The following ELF1 variants were observed in gnomAD, a reference collection of about 807,000 sequenced individuals.
ELF1 encodes E74 like ETS transcription factor 1, also known as ETS-related transcription factor Elf-1.
A neutral mutation model predicts 59.9 loss-of-function variants in ELF1; 24 were observed. The observed-to-expected ratio is 0.40, with a 90% CI of 0.29 to 0.56. The LOEUF (loss-of-function observed/expected upper bound fraction) is 0.56. ELF1 is among the 20% of genes least tolerant of loss of function. The probability of loss-of-function intolerance (pLI) is 0.44; values close to 1 mark genes in which losing one functional copy is unlikely to be tolerated. For synonymous variants in ELF1, 248 were observed against 266.2 expected, an observed-to-expected ratio of 0.93 and a Z score of 0.67; for missense variants, 627 against 742.2, an observed-to-expected ratio of 0.84 and a Z score of 1.80.
intron 1 of ELF1, among the ~76,000 whole-genome samples, chr13:41,056,694 TGACAGACTAA>T (rs1877298779): frequency 6.6e-6 from 1 of 152,128 alleles, no homozygotes; most frequent in Non-Finnish European, 1.5e-5. Context: ...GAACTTATAT[TGACAGACTAA>T]GACAAGAAAT....
chr13:40,967,343 G>T lies in ELF1; in HGVS notation c.73-8327C>A, dbSNP rs1383943301. Among the ~76,000 whole-genome samples, 3 of 152,124 alleles carry T rather than the reference G, an allele frequency of 2.0e-5. No individual in the cohort carries two copies. In the East Asian group the frequency reaches 5.8e-4, roughly 29 times the overall value. ...AAGGTAGGACTCCACCATGGCCTGG[G>T]TATTTGAACTCATGCAAGTTATCCA... On this transcript the variant is annotated intron_variant, in intron 2 of 8. Coordinates refer to ENST00000239882, the MANE Select transcript of ELF1 (RefSeq NM_172373.4).
intron 1 of ELF1, among the ~76,000 whole-genome samples, chr13:41,045,093 T>TA (rs1373835924): frequency 6.6e-6 from 1 of 152,220 alleles, no homozygotes; most frequent in Non-Finnish European, 1.5e-5. Context: ...GAGGTATTTA[T>TA]AGTATTCTCT....
At chr13:41,059,897 C>T (rs1877436838) in intron 1 of ELF1, among the ~76,000 whole-genome samples, 1 of 152,188 alleles carries the variant, frequency 6.6e-6, no homozygotes, top group African/African-American at 2.4e-5. Flanking sequence ...ATCAACCGCG[C>T]TCAAAATGTT....
At chr13:40,995,710 T>G (rs1184302191) in intron 1 of ELF1, among the ~76,000 whole-genome samples, 1 of 144,690 alleles carries the variant, frequency 6.9e-6, no homozygotes, top group Non-Finnish European at 1.5e-5. Flanking sequence ...CCTTCCCAGA[T>G]ATTAACTCAA....
chr13:40,968,767 T>G (rs938685425), intron 2 of ELF1, among the ~76,000 whole-genome samples: 2 of 151,630 alleles, frequency 1.3e-5, no homozygotes, highest in African/African-American at 4.9e-5. Flanking sequence ...TTGCCCAGGC[T>G]GTAGTACAGT....
chr13:41,021,673 T>C (rs1469804477), upstream of ELF1, among the ~76,000 whole-genome samples: 2 of 152,198 alleles, frequency 1.3e-5, no homozygotes, highest in East Asian at 3.8e-4. Flanking sequence ...ACACAGATTA[T>C]GAGGATTAAA....
intron 6 of ELF1, among the ~76,000 whole-genome samples, chr13:40,943,600 G>T (rs1870318534): frequency 6.6e-6 from 1 of 152,176 alleles, no homozygotes; most frequent in African/African-American, 2.4e-5. Flanking sequence ...ATTCTTCCAA[G>T]AGTCTCTTTA....
intron 4 of ELF1, among the ~76,000 whole-genome samples, chr13:40,950,399 G>C (rs1870779536): frequency 6.6e-6 from 1 of 152,118 alleles, no homozygotes; most frequent in Non-Finnish European, 1.5e-5. Flanking sequence ...CTGTAATCTA[G>C]TTCCAAACCT....
At chr13:40,970,081 T>G (rs1872436249) in intron 2 of ELF1, among the ~76,000 whole-genome samples, 1 of 152,212 alleles carries the variant, frequency 6.6e-6, no homozygotes, top group Non-Finnish European at 1.5e-5. Context: ...TTAAAATATT[T>G]CAATGCATTA....
At chr13:40,938,773 A>G (rs1172302214) in intron 8 of ELF1, among the ~76,000 whole-genome samples, 6 of 152,022 alleles carry the variant, frequency 3.9e-5, no homozygotes, top group Non-Finnish European at 5.9e-5. Flanking sequence ...CCACAGGGAA[A>G]AAAGTTAAAA....
In ELF1 at chr13:40,955,910, G is replaced by GC. The variant is rs1426197295; in HGVS notation, c.253+2925dup. Among the ~76,000 whole-genome samples, 5 of 111,626 alleles carry GC rather than the reference G, an allele frequency of 4.5e-5. 1 individual carries two copies. In the South Asian group the frequency reaches 1.2e-3, roughly 28 times the overall value. 73.2% of individuals were successfully genotyped at this position (111,626 alleles called of 152,430 possible). A position where few individuals can be genotyped will look rare whatever the true frequency, so the allele number is the denominator to read the frequency against. Reference sequence around the variant, plus strand: ...ATCCAGGAGGGAGGCGGGGAGGTCAGCCCCCCGCCCGGCCAGCCGCCCCGT... The same window carrying GC: ...ATCCAGGAGGGAGGCGGGGAGGTCAGCCCCCCCGCCCGGCCAGCCGCCCCGT... On this transcript the variant is annotated intron_variant, in intron 3 of 8. Transcript: ENST00000239882.
intron 1 of ELF1, among the ~76,000 whole-genome samples, chr13:41,049,612 T>C (rs1876999137): frequency 6.6e-6 from 1 of 152,178 alleles, no homozygotes; most frequent in Non-Finnish European, 1.5e-5. Flanking sequence ...AAATACACTC[T>C]TTCCTCCTTG....
chr13:40,995,292 G>A (rs1225757432), intron 1 of ELF1, among the ~76,000 whole-genome samples: 1 of 152,150 alleles, frequency 6.6e-6, no homozygotes, highest in East Asian at 1.9e-4. Context: ...TTACTTCTCT[G>A]ACAATTAATG....
intron 1 of ELF1, among the ~76,000 whole-genome samples, chr13:41,041,031 C>T (rs575862119): frequency 1.3e-4 from 19 of 151,942 alleles, no homozygotes; most frequent in African/African-American, 3.1e-4. Context: ...AAAAGGTGAC[C>T]GTGGATATGA....
At chr13:41,016,700 A>G (rs949526313) in intron 1 of ELF1, among the ~76,000 whole-genome samples, 1 of 151,602 alleles carries the variant, frequency 6.6e-6, no homozygotes, top group Non-Finnish European at 1.5e-5. Context: ...GGATCACCCA[A>G]GGTCGGGAGT....
intron 3 of ELF1, among the ~76,000 whole-genome samples, chr13:40,954,865 G>T (rs1349018105): frequency 7.1e-6 from 1 of 140,866 alleles, no homozygotes; most frequent in East Asian, 2.2e-4. Flanking sequence ...CTGCCCGGCC[G>T]CCACCCCGTC....
At chr13:41,058,184 C>G (rs1877357885) in intron 1 of ELF1, among the ~76,000 whole-genome samples, 1 of 152,142 alleles carries the variant, frequency 6.6e-6, no homozygotes, top group South Asian at 2.1e-4. Context: ...AAATGTCACT[C>G]CTTGATAAAA....
chr13:41,020,357 C>T (rs1875639374), upstream of ELF1, among the ~76,000 whole-genome samples: 2 of 152,188 alleles, frequency 1.3e-5, 1 homozygote, highest in African/African-American at 4.8e-5. Flanking sequence ...ATAAATGCAA[C>T]TCAATAGATA....
At position 41,012,786 on chromosome 13, in the gene ELF1, G is replaced by A. The variant is rs542395188; in HGVS notation, c.-229+6442C>T. 3.3e-5 allele frequency among the ~76,000 whole-genome samples: 5 copies of A among 151,428 alleles called. No individual in the cohort carries two copies. In the East Asian group the frequency reaches 9.7e-4, roughly 29 times the overall value. ...TTGCCCAGGCTGGTCTCGAATTTCT[G>A]GCCTCAAGTGATCCTCCCACTTAGG... is the stretch of plus-strand genomic sequence containing the variant. On this transcript the variant is annotated intron_variant, in intron 1 of 8. Transcript: ENST00000239882.
Sources: allele counts gnomAD v4.1 joint callset (sites outside exome capture counted in the v4.1 genomes callset), GRCh38; gene constraint gnomAD v4.1.1; transcripts MANE v1.5; gene names NCBI Gene and HGNC (gene_info 2026-07-23, HGNC 2026-07-21).